The following MED13L variants were observed in gnomAD, a reference collection of about 807,000 sequenced individuals.
MED13L encodes mediator complex subunit 13L.
A neutral mutation model predicts 220.9 loss-of-function variants in MED13L; 7 were observed. The ratio of observed to expected loss-of-function variants is 0.03; its 90% CI spans 0.02 to 0.06. The LOEUF (loss-of-function observed/expected upper bound fraction) is 0.06, where lower values mean the gene tolerates loss of function less well. Among genes scored for constraint, MED13L ranks in the 10% least tolerant of loss-of-function variants. The probability of loss-of-function intolerance (pLI) is 1.00; values close to 1 mark genes in which losing one functional copy is unlikely to be tolerated. For synonymous variants in MED13L, 1,011 were observed against 1,015.2 expected, an observed-to-expected ratio of 1.00 and a Z score of 0.08; for missense variants, 1,965 against 2,760.5, an observed-to-expected ratio of 0.71 and a Z score of 6.46.
chr12:116,226,037 T>A (rs1267812502), intron 2 of MED13L, among the ~76,000 whole-genome samples: 3 of 150,788 alleles, frequency 2.0e-5, no homozygotes, highest in Non-Finnish European at 4.4e-5. Flanking sequence ...ACAAAGCCAC[T>A]TCATCTTTAT....
intron 4 of MED13L, among the ~76,000 whole-genome samples, chr12:116,045,525 A>T (rs1314149200): frequency 6.6e-6 from 1 of 152,142 alleles, no homozygotes; most frequent in African/African-American, 2.4e-5. Context: ...ACTTGTAACT[A>T]ATTATTTAAT....
chr12:116,032,438 A>G (rs1880911759), intron 4 of MED13L, among the ~76,000 whole-genome samples: 1 of 152,044 alleles, frequency 6.6e-6, no homozygotes. Context: ...TCAGAAATCA[A>G]CCCTCCAATG....
intron 3 of MED13L, among the ~76,000 whole-genome samples, chr12:116,108,322 C>T (rs1483362859): frequency 7.1e-6 from 1 of 140,530 alleles, no homozygotes. Flanking sequence ...TGTGTCTCAT[C>T]GGAAGAACTG....
At chr12:116,171,275 A>G (rs1379991719) in intron 2 of MED13L, among the ~76,000 whole-genome samples, 3 of 152,230 alleles carry the variant, frequency 2.0e-5, no homozygotes, top group Admixed American at 2.0e-4. Context: ...TGCCTGGAAC[A>G]GCCACATGGC....
intron 4 of MED13L, among the ~76,000 whole-genome samples, chr12:116,047,807 G>A (rs1417232405): frequency 6.6e-6 from 1 of 152,138 alleles, no homozygotes; most frequent in African/African-American, 2.4e-5. Flanking sequence ...CACATAACCT[G>A]TATATTTCAT....
rs143733926 is a variant in MED13L at position 116,068,236 on chromosome 12, T to C, written c.479+28433A>G. Among the ~76,000 whole-genome samples the C allele has an allele frequency of 1.0e-3, 154 of 152,288 alleles. 1 individual carries two copies. The highest frequency in any genetic ancestry group is 1.8e-3 in the African/African-American group (74 of 41,570). On this transcript the variant is annotated intron_variant, in intron 4 of 30. Transcript: ENST00000281928. Reference sequence around the variant, plus strand: ...AGCCTCAGATGCATCTGACAGCTGATAATACTAATGGGACAACAAAGCACA... The same window carrying C: ...AGCCTCAGATGCATCTGACAGCTGACAATACTAATGGGACAACAAAGCACA...
intron 2 of MED13L, among the ~76,000 whole-genome samples, chr12:116,184,169 TC>T (rs1593140679): frequency 6.6e-6 from 1 of 152,184 alleles, no homozygotes; most frequent in African/African-American, 2.4e-5. Flanking sequence ...GAAGGCTACT[TC>T]AGAAAGGCAG....
chr12:116,102,710 CTTTTTT>C (rs869201518), intron 3 of MED13L, among the ~76,000 whole-genome samples: 135 of 68,660 alleles, frequency 2.0e-3, no homozygotes, highest in South Asian at 0.012. Flanking sequence ...TTTCTTTTTT[CTTTTTT>C]TTTTTTTTTT....
At chr12:116,237,798 T>C (rs1870234479) in intron 1 of MED13L, 93 bp from the exon 2 acceptor site, 1 of 1,101,218 alleles carries the variant, frequency 9.1e-7, no homozygotes, top group African/African-American at 1.5e-5. Context: ...TGTGCTAAAA[T>C]AAATATTTAC....
At chr12:116,087,757 T>C (rs561489383) in intron 4 of MED13L, among the ~76,000 whole-genome samples, 48 of 152,162 alleles carry the variant, frequency 3.2e-4, no homozygotes, top group Admixed American at 5.9e-4. Context: ...AAAAAGTTCA[T>C]AAGGGCTGTT....
chr12:116,252,352 G>A (rs1593213006), intron 1 of MED13L, among the ~76,000 whole-genome samples: 1 of 151,952 alleles, frequency 6.6e-6, no homozygotes, highest in South Asian at 2.1e-4. Context: ...TCCAGCATGG[G>A]CAACATGACA....
chr12:116,211,110 T>C (rs753941605), intron 2 of MED13L, among the ~76,000 whole-genome samples: 12 of 152,196 alleles, frequency 7.9e-5, no homozygotes, highest in Non-Finnish European at 7.3e-5. Flanking sequence ...AACTTCCCAC[T>C]GCACTTCTGC....
chr12:116,001,196 T>C (rs947295725), intron 14 of MED13L, among the ~76,000 whole-genome samples: 1 of 152,156 alleles, frequency 6.6e-6, no homozygotes, highest in African/African-American at 2.4e-5. Flanking sequence ...ACATTAATTT[T>C]GTTTTGTTTC....
intron 14 of MED13L, among the ~76,000 whole-genome samples, chr12:115,999,211 G>A (rs999884231): frequency 3.9e-5 from 6 of 152,050 alleles, no homozygotes; most frequent in Admixed American, 2.0e-4. Flanking sequence ...TCAGGAGTTC[G>A]AGACCAATCT....
chr12:116,107,400 G>A (rs1873677773), intron 3 of MED13L, among the ~76,000 whole-genome samples: 1 of 152,110 alleles, frequency 6.6e-6, no homozygotes, highest in South Asian at 2.1e-4. Context: ...CATTACCATA[G>A]AATTTAAAAT....
intron 20 of MED13L, 110 bp downstream of exon 20, chr12:115,984,070 G>T: frequency 8.3e-7 from 1 of 1,209,738 alleles, no homozygotes; most frequent in Non-Finnish European, 1.2e-6. Flanking sequence ...AACAAATACA[G>T]CATTACTTGA....
chr12:116,210,807 T>C (rs1882651371), intron 2 of MED13L, among the ~76,000 whole-genome samples: 1 of 151,850 alleles, frequency 6.6e-6, no homozygotes, highest in African/African-American at 2.4e-5. Flanking sequence ...AAAATGTAAG[T>C]AGTAAACTGG....
rs765115941 is a variant in MED13L, at chr12:115,984,364, C to T, written c.4347G>A (p.Arg1449=). ...TGCAGATGGGCTTGTGCTGCCCAAG[C>T]CTACACATCTGATATCATAGACAAG... ...RDLSAVYEMC[R]LGQHKPICKV... is the part of the protein sequence containing the mutation. The change falls in exon 20 of 31, where the codon AGG becomes AGA. Residue 1449 remains arginine, a synonymous_variant. Transcript: ENST00000281928. 15 of 1,613,802 alleles carry T rather than the reference C, an allele frequency of 9.3e-6. 1 individual carries two copies. Among genetic ancestry groups the T allele is most frequent in the South Asian group, 5.5e-5 (5 of 91,064 alleles).
At chr12:116,160,157 G>A (rs574685688) in intron 2 of MED13L, among the ~76,000 whole-genome samples, 17 of 152,122 alleles carry the variant, frequency 1.1e-4, no homozygotes, top group East Asian at 5.8e-4. Flanking sequence ...TCAACATATC[G>A]TCAGGTTAAA....
Sources: allele counts gnomAD v4.1 joint callset (sites outside exome capture counted in the v4.1 genomes callset), GRCh38; gene constraint gnomAD v4.1.1; transcripts MANE v1.5; gene names NCBI Gene and HGNC (gene_info 2026-07-23, HGNC 2026-07-21).